The following HPS5 variants were observed in gnomAD, a reference collection of about 807,000 sequenced individuals.
The protein encoded by HPS5 is HPS5 biogenesis of lysosomal organelles complex 2 subunit 2.
In HPS5, 83 loss-of-function variants were observed where a neutral mutation model predicts 128.0. The observed-to-expected ratio is 0.65, with a 90% confidence interval of 0.54 to 0.78. The LOEUF (loss-of-function observed/expected upper bound fraction) is 0.78, where lower values mean the gene tolerates loss of function less well. HPS5 is among the 30% of genes least tolerant of loss of function. The pLI, the probability that HPS5 is intolerant of heterozygous loss-of-function variation, is 0.00. For missense variants in HPS5, 1,281 were observed against 1,326.2 expected, an observed-to-expected ratio of 0.97 and a Z score of 0.53; for synonymous variants, 475 against 470.2, an observed-to-expected ratio of 1.01 and a Z score of -0.13.
intron 21 of HPS5, 126 bp downstream of exon 21, chr11:18,283,669 G>T: frequency 1.4e-6 from 1 of 722,186 alleles, no homozygotes; most frequent in Non-Finnish European, 2.5e-6. Context: ...CCACAAATGT[G>T]ACAACTAAGT....
Position 18,282,483 on chromosome 11 carries a change from G to T in HPS5, c.3059-263C>A, listed in dbSNP as rs1859133241. 2.0e-5 allele frequency among the ~76,000 whole-genome samples: 3 copies of T among 151,396 alleles called. No homozygotes were observed. In the South Asian group the frequency reaches 6.3e-4, roughly 32 times the overall value. ...TCTCACTACCATGTTGCCCAGGCTG[G>T]TCTTAAACTCCTGAGCTCAAGCAAG... is the stretch of plus-strand genomic sequence containing the variant. On this transcript the variant is annotated intron_variant, in intron 21 of 22. Transcript: ENST00000349215.
At chr11:18,309,133 C>G (rs1862686698) in intron 5 of HPS5, 54 bp from the exon 6 acceptor site, 4 of 1,503,088 alleles carry the variant, frequency 2.7e-6, no homozygotes, top group Non-Finnish European at 3.7e-6. Context: ...CATACACATG[C>G]AATCTCTTCC....
At position 18,292,899 on chromosome 11, in the gene HPS5, A is replaced by G. The variant is rs1860598070; in HGVS notation, c.1862T>C (p.Met621Thr). ...QELKVATAEAMTKLQDPLVLF... is the reference protein window; with the variant it reads ...QELKVATAEATTKLQDPLVLF... ...TATAAAAGTTTCTCATTATACTCAC[A>G]TTGCTTCTGCTGTTGCTACTTTAAG... The change falls in exon 15 of 23, where the codon ATG becomes ACG. Residue 621 changes from methionine (M) to threonine (T), a missense_variant and splice_region_variant. Met to Thr is a moderately conservative substitution (Grantham distance 81). Coordinates refer to ENST00000349215, the MANE Select transcript of HPS5 (RefSeq NM_181507.2). The G allele has an allele frequency of 2.5e-6, 4 of 1,611,188 alleles. No individual in the cohort carries two copies. The South Asian group carries it at 4.4e-5, about 18-fold the overall frequency.
rs376087658 is a variant in HPS5, at chr11:18,296,945, T to C, written c.1363A>G (p.Ile455Val). The C allele has an allele frequency of 6.2e-6, 10 of 1,608,474 alleles. No individual in the cohort carries two copies. Among genetic ancestry groups the C allele is most frequent in the Non-Finnish European group, 8.5e-6 (10 of 1,176,054 alleles). The change falls in exon 12 of 23, where the codon ATT (isoleucine) becomes GTT (valine). Residue 455 changes from isoleucine (I) to valine (V), a missense_variant. Ile to Val is a conservative substitution (Grantham distance 29, BLOSUM62 3). Coordinates refer to ENST00000349215, the MANE Select transcript of HPS5 (RefSeq NM_181507.2). Reference sequence around the variant, plus strand: ...GACTGACTGCCTCTTCTACTACTAATGATACGATAAATACCAGAGTCCAAG... The same window carrying C: ...GACTGACTGCCTCTTCTACTACTAACGATACGATAAATACCAGAGTCCAAG... ...SILDSGIYRI[I>V]SSRRGSQSDE...
At chr11:18,280,403 C>T in intron 22 of HPS5, 1 of 572,854 alleles carries the variant, frequency 1.7e-6, no homozygotes, top group South Asian at 2.3e-5. Context: ...GTGGGGCTAG[C>T]ACATGGAGAA....
chr11:18,318,045 A>T, intron 1 of HPS5, 138 bp from the exon 2 acceptor site: 1 of 643,964 alleles, frequency 1.6e-6, no homozygotes. Flanking sequence ...ACATAAGGTA[A>T]CATCGTATGC....
chr11:18,318,927 C>T (rs1333803158), intron 1 of HPS5, among the ~76,000 whole-genome samples: 1 of 151,616 alleles, frequency 6.6e-6, no homozygotes, highest in African/African-American at 2.4e-5. Context: ...ATAGAGCATA[C>T]TTTCTAGTGG....
In HPS5 at chr11:18,305,406, G is replaced by C. The variant is rs1564965420; in HGVS notation, c.896+16C>G. On this transcript the variant is annotated intron_variant, in intron 8 of 22. Transcript: ENST00000349215. ...ATTCTTTTTCCCCCCCAGAACTAAG[G>C]AAAGTAGAAACTTACCTAAGATGTA... 1.3e-6 allele frequency: 2 copies of C among 1,543,074 alleles called. No homozygotes were observed. The highest frequency in any genetic ancestry group is 1.8e-6 in the Non-Finnish European group (2 of 1,115,816).
At chr11:18,284,442 T>C (rs1859425083) in intron 20 of HPS5, among the ~76,000 whole-genome samples, 1 of 152,186 alleles carries the variant, frequency 6.6e-6, no homozygotes. Context: ...AATCCACTCA[T>C]ATCTGAATTA....
rs1294388976 is a variant in HPS5 at position 18,291,835 on chromosome 11, T to G, written c.2047A>C (p.Ile683Leu). 1 of 1,611,684 alleles carries G rather than the reference T, an allele frequency of 6.2e-7. No homozygotes were observed. Among genetic ancestry groups the G allele is most frequent in the Non-Finnish European group, 8.5e-7 (1 of 1,179,150 alleles). The change falls in exon 16 of 23, where the codon ATA becomes CTA. Residue 683 changes from isoleucine (I) to leucine (L), a missense_variant. Transcript: ENST00000349215. Reference sequence around the variant, plus strand: ...TCTTTTTCATTATCTTCATCTAATATTCCCTTTTTTGATTCATTAACTAAT... The same window carrying G: ...TCTTTTTCATTATCTTCATCTAATAGTCCCTTTTTTGATTCATTAACTAAT... ...VLLVNESKKGILDEDNEKEKR... is the reference protein window; with the variant it reads ...VLLVNESKKGLLDEDNEKEKR...
intron 9 of HPS5, among the ~76,000 whole-genome samples, chr11:18,300,403 G>A (rs2134369746): frequency 6.6e-6 from 1 of 152,236 alleles, no homozygotes; most frequent in Non-Finnish European, 1.5e-5. Context: ...AAACGTAACT[G>A]GGCACGGTGG....
chr11:18,286,140 T>C (rs1169699258), intron 19 of HPS5, among the ~76,000 whole-genome samples: 2 of 152,256 alleles, frequency 1.3e-5, no homozygotes, highest in South Asian at 2.1e-4. Context: ...ATCTCATTAC[T>C]ACCATGACTT....
chr11:18,306,896 G>A (rs1390110475), intron 6 of HPS5, among the ~76,000 whole-genome samples: 2 of 152,160 alleles, frequency 1.3e-5, no homozygotes, highest in East Asian at 3.8e-4. Flanking sequence ...AAAGAGCTTA[G>A]TACACTGCCT....
In HPS5 at chr11:18,310,828, G is replaced by A; in HGVS notation, c.390C>T (p.Cys130=). ...AAACTCTAAGAATAGCTGTATCCCA[G>A]CAGAGAGCTGTGACTCTTCGGCCTT... ...EHKGRRVTAL[C]WDTAILRVFV... is the part of the protein sequence containing the mutation. Residue 130 remains cysteine, a synonymous_variant, in exon 5 of 23, where the codon TGC becomes TGT. Coordinates refer to ENST00000349215, the MANE Select transcript of HPS5 (RefSeq NM_181507.2). 1.2e-6 allele frequency: 2 copies of A among 1,613,892 alleles called. No homozygotes were observed. Among genetic ancestry groups the A allele is most frequent in the Non-Finnish European group, 1.7e-6 (2 of 1,179,806 alleles).
At position 18,278,922 on chromosome 11, in the gene HPS5, A is replaced by T. The variant is rs886048071; in HGVS notation, c.*960T>A. On this transcript the variant is annotated 3_prime_UTR_variant, in exon 23 of 23. Transcript: ENST00000349215. ...GTTATGGCTTCTTAGAAATAATTTT[A>T]AAAAGTGCATGATTCTTGTGGGCTA... is the stretch of plus-strand genomic sequence containing the variant. 6.6e-6 allele frequency: 1 copy of T among 152,466 alleles called. No individual in the cohort carries two copies. The highest frequency in any genetic ancestry group is 2.1e-4 in the South Asian group (1 of 4,834). The allele number at this position is 152,466 out of a possible 1,614,324, so 9.4% of individuals were successfully genotyped here.
chr11:18,299,778 T>G (rs116799628), intron 9 of HPS5, among the ~76,000 whole-genome samples: 100 of 152,330 alleles, frequency 6.6e-4, no homozygotes, highest in African/African-American at 2.4e-3. Context: ...AAAAATAACC[T>G]GTTTGTTCCT....
rs754905012 is a variant in HPS5 at position 18,282,188 on chromosome 11, G to T, written c.3091C>A (p.Leu1031Ile). ...TTGCTCTGTATGAGATGAAGGAGAA[G>T]CTTCCATTCCTCCACGGTCTCTGGG... ...WIPETVEEWKLLLHLIQSKST... is the reference protein window; with the variant it reads ...WIPETVEEWKILLHLIQSKST... The change falls in exon 22 of 23, where the codon CTT becomes ATT. Residue 1031 changes from leucine (L) to isoleucine (I), a missense_variant. Transcript: ENST00000349215. 4.0e-5 allele frequency: 64 copies of T among 1,614,058 alleles called. No individual in the cohort carries two copies. In the South Asian group the frequency reaches 6.5e-4, roughly 16 times the overall value.
rs1426511060 is a variant in HPS5, at chr11:18,285,433, C to T, written c.2864G>A (p.Gly955Asp). 6 of 1,612,664 alleles carry T rather than the reference C, an allele frequency of 3.7e-6. No individual in the cohort carries two copies. The highest frequency in any genetic ancestry group is 5.1e-6 in the Non-Finnish European group (6 of 1,178,890). Residue 955 changes from glycine (G) to aspartate (D), a missense_variant, in exon 20 of 23, where the codon GGT (glycine) becomes GAT (aspartate). Transcript: ENST00000349215. ...TAGATGAAGGATCAGCTGACTGTAACCCCAGGAAAGCAAGTGTGAATGAGG... is the reference window on the plus strand; with the variant it reads ...TAGATGAAGGATCAGCTGACTGTAATCCCAGGAAAGCAAGTGTGAATGAGG... The part of the protein sequence containing the change: ...PRPHSHLLSW[G>D]YSQLILHLIK...
Position 18,286,728 on chromosome 11 carries a change from A to C in HPS5, c.2718-18T>G, listed in dbSNP as rs1215455576. 4 of 1,613,324 alleles carry C rather than the reference A, an allele frequency of 2.5e-6. No individual in the cohort carries two copies. The highest frequency in any genetic ancestry group is 3.4e-6 in the Non-Finnish European group (4 of 1,179,734). ...AAGATGACCTAAGAGAAAGTTGGGG[A>C]AAAAAGTCACCAATCTTCATGCTAA... On this transcript the variant is annotated intron_variant, in intron 18 of 22. Coordinates refer to ENST00000349215, the MANE Select transcript of HPS5 (RefSeq NM_181507.2).
Sources: allele counts gnomAD v4.1 joint callset (sites outside exome capture counted in the v4.1 genomes callset), GRCh38; gene constraint gnomAD v4.1.1; transcripts MANE v1.5; gene names NCBI Gene and HGNC (gene_info 2026-07-23, HGNC 2026-07-21).